Variants in GRAP2 observed in about 807,000 individuals in gnomAD.
GRAP2 encodes the protein GRB2-related adapter protein 2.
Under a neutral mutation model 43.5 loss-of-function variants are expected in GRAP2, and 31 were observed. The observed-to-expected ratio is 0.71, with a 90% CI of 0.54 to 0.96. The LOEUF is 0.96. GRAP2 is among the 40% of genes least tolerant of loss of function. The probability of loss-of-function intolerance (pLI) is 0.00; values close to 1 mark genes in which losing one functional copy is unlikely to be tolerated. For missense variants in GRAP2, 371 were observed against 424.4 expected (o/e 0.87, Z 1.11); for synonymous variants, 156 against 164.8 (o/e 0.95, Z 0.41).
intron 6 of GRAP2, chr22:39,968,638 T>G: frequency 6.8e-6 from 2 of 294,034 alleles, no homozygotes; most frequent in East Asian, 6.4e-5. Context: ...AAAGGCTTAA[T>G]ACCCACAACA....
chr22:39,941,445 T>C (rs1236506670), intron 1 of GRAP2, among the ~76,000 whole-genome samples: 3 of 152,158 alleles, frequency 2.0e-5, no homozygotes, highest in Non-Finnish European at 4.4e-5. Flanking sequence ...CCTTAAGAAG[T>C]TTATAAACTA....
At position 39,971,036 on chromosome 22, in the gene GRAP2, C is replaced by A; in HGVS notation, c.945C>A (p.Asn315Lys). ...CCTGGTGGACCGGCCGCCTGCACAA[C>A]AAGCTGGGCCTCTTCCCTGCCAACT... Reference protein sequence around the residue: ...NPSWWTGRLHNKLGLFPANYV... With the variant: ...NPSWWTGRLHKKLGLFPANYV... Residue 315 changes from asparagine (N) to lysine (K), a missense_variant, in exon 8 of 8, where the codon AAC becomes AAA. Coordinates refer to ENST00000344138, the MANE Select transcript of GRAP2 (RefSeq NM_004810.4). 1 of 1,613,916 alleles carries A rather than the reference C, an allele frequency of 6.2e-7. No homozygotes were observed. Among genetic ancestry groups the A allele is most frequent in the Non-Finnish European group, 8.5e-7 (1 of 1,179,922 alleles).
chr22:39,960,127 C>T lies in GRAP2; in HGVS notation c.243C>T (p.Ile81=). 1 of 1,613,128 alleles carries T rather than the reference C, an allele frequency of 6.2e-7. No individual in the cohort carries two copies. Among genetic ancestry groups the T allele is most frequent in the Non-Finnish European group, 8.5e-7 (1 of 1,179,028 alleles). The stretch of plus-strand genomic sequence containing the variant: ...TGGGCAAGGAGGTTGGCTTCTTCAT[C>T]ATCCGGGCCAGCCAGAGCTCCCCAG... The part of the protein sequence containing the change: ...LLMGKEVGFF[I]IRASQSSPGD... The change falls in exon 4 of 8, where the codon ATC becomes ATT. Residue 81 remains isoleucine, a synonymous_variant. Transcript: ENST00000344138.
chr22:39,937,988 A>G (rs763613398), intron 1 of GRAP2, among the ~76,000 whole-genome samples: 1 of 152,272 alleles, frequency 6.6e-6, no homozygotes, highest in South Asian at 2.1e-4. Flanking sequence ...CACTAAAAAA[A>G]AAAAGTTAGA....
intron 1 of GRAP2, among the ~76,000 whole-genome samples, chr22:39,919,183 C>A (rs28405882): frequency 0.023 from 3,480 of 152,150 alleles, 112 homozygotes; most frequent in South Asian, 0.14. Context: ...CAATAGCTGA[C>A]CCTATTTTTT....
At chr22:39,943,770 A>G (rs1217089980) in intron 1 of GRAP2, among the ~76,000 whole-genome samples, 1 of 142,698 alleles carries the variant, frequency 7.0e-6, no homozygotes, top group African/African-American at 2.7e-5. Flanking sequence ...GCTAGACTGG[A>G]GTGCAGTGGT....
intron 1 of GRAP2, among the ~76,000 whole-genome samples, chr22:39,933,777 G>A (rs1250295432): frequency 6.6e-6 from 1 of 151,474 alleles, no homozygotes; most frequent in South Asian, 2.1e-4. Context: ...GGAGGCGAAT[G>A]TTTCAGTGAG....
intron 2 of GRAP2, among the ~76,000 whole-genome samples, chr22:39,950,823 G>A (rs1409090431): frequency 6.6e-6 from 1 of 152,200 alleles, no homozygotes; most frequent in Non-Finnish European, 1.5e-5. Flanking sequence ...CCATGGCTGG[G>A]ACTCCCCACA....
In GRAP2 at chr22:39,947,098, C is replaced by T. The variant is rs753911970; in HGVS notation, c.-9C>T. The T allele has an allele frequency of 6.4e-6, 10 of 1,569,394 alleles. No individual in the cohort carries two copies. The African/African-American group carries it at 8.1e-5, about 13-fold the overall frequency. Reference sequence around the variant, plus strand: ...CCACATTATTTCTCTTCCAGCTTCACGTTACAGCATGGAAGCTGTTGCCAA... The same window carrying T: ...CCACATTATTTCTCTTCCAGCTTCATGTTACAGCATGGAAGCTGTTGCCAA... On this transcript the variant is annotated 5_prime_UTR_variant, in exon 2 of 8. It adds an upstream start codon to the 5' untranslated region. Transcript: ENST00000344138.
rs984694407 is a variant in GRAP2 at position 39,972,407 on chromosome 22, A to G, written c.*1323A>G. 6.6e-6 allele frequency: 1 copy of G among 152,248 alleles called. No individual in the cohort carries two copies. The highest frequency in any genetic ancestry group is 2.4e-5 in the African/African-American group (1 of 41,444). The allele number at this position is 152,248 out of a possible 1,614,324, so 9.4% of individuals were successfully genotyped here. On this transcript the variant is annotated 3_prime_UTR_variant, in exon 8 of 8. Transcript: ENST00000344138. ...TGTGCTTGCACGCACATATTTGTGC[A>G]CTCCTGTGTGTATACATGTGTGCTT...
intron 3 of GRAP2, among the ~76,000 whole-genome samples, chr22:39,958,465 G>A (rs780228763): frequency 4.6e-4 from 70 of 152,298 alleles, no homozygotes; most frequent in Middle Eastern, 3.4e-3. Context: ...GAGGGCAGGG[G>A]TGTGTGTCTG....
chr22:39,910,500 GTGA>G (rs2145574323), intron 1 of GRAP2, among the ~76,000 whole-genome samples: 1 of 151,392 alleles, frequency 6.6e-6, no homozygotes, highest in African/African-American at 2.4e-5. Context: ...CCTCTGCCTC[GTGA>G]GTTCAAGTGA....
intron 1 of GRAP2, among the ~76,000 whole-genome samples, chr22:39,911,231 A>G (rs2066562258): frequency 6.6e-6 from 1 of 152,202 alleles, no homozygotes; most frequent in South Asian, 2.1e-4. Flanking sequence ...TCATTTTTGC[A>G]GTTATTTTAA....
chr22:39,937,289 C>T (rs1240634951), intron 1 of GRAP2, among the ~76,000 whole-genome samples: 2 of 152,178 alleles, frequency 1.3e-5, no homozygotes, highest in Non-Finnish European at 2.9e-5. Context: ...AGTGACTGAG[C>T]TCTGCATAGA....
the GRAP2 span, among the ~76,000 whole-genome samples, chr22:39,894,359 T>C: frequency 3.7e-5 from 5 of 134,902 alleles, no homozygotes; most frequent in African/African-American, 1.4e-4. Flanking sequence ...TAGGTGGGAA[T>C]TGAACAATGA....
chr22:39,931,250 A>G (rs1409544131), intron 1 of GRAP2, among the ~76,000 whole-genome samples: 3 of 152,190 alleles, frequency 2.0e-5, no homozygotes, highest in Non-Finnish European at 4.4e-5. Flanking sequence ...AAATCTGAAA[A>G]CGAACCTGGA....
chr22:39,919,613 T>C (rs2066633071), intron 1 of GRAP2, among the ~76,000 whole-genome samples: 1 of 152,190 alleles, frequency 6.6e-6, no homozygotes, highest in Non-Finnish European at 1.5e-5. Context: ...TATTGCTCAA[T>C]AGAGATTAAA....
chr22:39,913,398 C>T (rs1288985804), intron 1 of GRAP2, among the ~76,000 whole-genome samples: 1 of 152,108 alleles, frequency 6.6e-6, no homozygotes, highest in African/African-American at 2.4e-5. Context: ...AGTACACAGG[C>T]AGATTTCAGG....
rs570745268 is a variant in GRAP2 at position 39,967,573 on chromosome 22, A to T, written c.460-469A>T. 8.5e-5 allele frequency among the ~76,000 whole-genome samples: 13 copies of T among 152,342 alleles called. No homozygotes were observed. The South Asian group carries it at 2.7e-3, about 32-fold the overall frequency. On this transcript the variant is annotated intron_variant, in intron 5 of 7. Transcript: ENST00000344138. Reference sequence around the variant, plus strand: ...CAGCCCGGCGGCAGGCCTGGTTCCCATGGTGTTGCAAGAATGTTGCTGTTT... The same window carrying T: ...CAGCCCGGCGGCAGGCCTGGTTCCCTTGGTGTTGCAAGAATGTTGCTGTTT...
Sources: gnomAD v4.1 joint callset for allele counts (sites outside exome capture counted in the v4.1 genomes callset) on GRCh38, gnomAD v4.1.1 for gene constraint, MANE v1.5 for transcripts, NCBI Gene and HGNC (gene_info 2026-07-23, HGNC 2026-07-21) for gene names.